RNF20: variants seen among roughly 807,000 people sequenced by gnomAD.
RNF20 encodes the protein ring finger protein 20.
RNF20 carries 84 observed loss-of-function variants against 126.2 expected under a neutral mutation model. The observed-to-expected ratio is 0.67, with a 90% CI of 0.56 to 0.80. RNF20 has a LOEUF of 0.80. Among genes scored for constraint, RNF20 ranks in the 30% least tolerant of loss-of-function variants. The probability of loss-of-function intolerance (pLI) is 0.00; values close to 1 mark genes in which losing one functional copy is unlikely to be tolerated. For synonymous variants in RNF20, 400 were observed against 414.3 expected, an observed-to-expected ratio of 0.97 and a Z score of 0.42; for missense variants, 869 against 1,188.2, an observed-to-expected ratio of 0.73 and a Z score of 3.95.
In RNF20 at chr9:101,542,571, T is replaced by C. The variant is rs376295882; in HGVS notation, c.628+1596T>C. On this transcript the variant is annotated intron_variant, in intron 5 of 19. Coordinates refer to ENST00000389120, the MANE Select transcript of RNF20 (RefSeq NM_019592.7). ...GGATGTGAACCTCCCTGTCACCTAA[T>C]ATAAAATAATGGTGCTTTGTGTGTG... Among the ~76,000 whole-genome samples the C allele has an allele frequency of 3.3e-5, 5 of 152,322 alleles. No individual in the cohort carries two copies. In the East Asian group the frequency reaches 9.7e-4, roughly 29 times the overall value.
rs1827459116 is a variant in RNF20, at chr9:101,552,263, G to A, written c.1530+1G>A. ...AGAAGCCCAGTCTGACCTGAACAAG[G>A]TAACCAGAGGGAATAGAATAAATAT... On this transcript the variant is annotated splice_donor_variant, in intron 12 of 19. Transcript: ENST00000389120. LOFTEE classifies it high-confidence loss of function. 6.2e-7 allele frequency: 1 copy of A among 1,614,186 alleles called. No homozygotes were observed. Among genetic ancestry groups the A allele is most frequent in the Non-Finnish European group, 8.5e-7 (1 of 1,180,010 alleles).
chr9:101,556,938 A>T (rs1827545903), intron 15 of RNF20, among the ~76,000 whole-genome samples: 1 of 152,210 alleles, frequency 6.6e-6, no homozygotes, highest in Admixed American at 6.5e-5. Context: ...ACTTAAAATG[A>T]GATAGATATA....
chr9:101,542,016 G>A (rs1206993431), intron 5 of RNF20, among the ~76,000 whole-genome samples: 1 of 152,280 alleles, frequency 6.6e-6, no homozygotes, highest in East Asian at 1.9e-4. Flanking sequence ...TGGTCTAGTT[G>A]TAATATCTTA....
intron 5 of RNF20, among the ~76,000 whole-genome samples, chr9:101,544,489 T>C (rs1827315214): frequency 6.6e-6 from 1 of 152,148 alleles, no homozygotes; most frequent in Non-Finnish European, 1.5e-5. Flanking sequence ...GTGGATCACC[T>C]GAGGTCAGGA....
Position 101,540,922 on chromosome 9 carries a change from A to C in RNF20, c.575A>C (p.Tyr192Ser). ...GCCGTGTCCCAGATTGTGACTGTTT[A>C]TGATAAATTGCAAGAAAAAGTGGAG... ...RRAVSQIVTV[Y>S]DKLQEKVELL... The change falls in exon 5 of 20, where the codon TAT (tyrosine) becomes TCT (serine). Residue 192 changes from tyrosine (Y) to serine (S), a missense_variant. By Grantham distance (144) the Tyr-to-Ser change is moderately radical. Transcript: ENST00000389120. 1 of 1,614,082 alleles carries C rather than the reference A, an allele frequency of 6.2e-7. No homozygotes were observed. Among genetic ancestry groups the C allele is most frequent in the South Asian group, 1.1e-5 (1 of 91,078 alleles).
At chr9:101,559,274 G>A (rs2118740561) in intron 16 of RNF20, among the ~76,000 whole-genome samples, 1 of 152,216 alleles carries the variant, frequency 6.6e-6, no homozygotes, top group Non-Finnish European at 1.5e-5. Flanking sequence ...TTTTATACCA[G>A]TACCATGCTG....
intron 16 of RNF20, 145 bp from the exon 17 acceptor site, chr9:101,560,656 G>A: frequency 1.7e-6 from 1 of 576,650 alleles, no homozygotes; most frequent in Non-Finnish European, 2.9e-6. Flanking sequence ...TAGTCTTGAT[G>A]TATTTTGAAG....
intron 2 of RNF20, among the ~76,000 whole-genome samples, chr9:101,537,798 A>G (rs13292046): frequency 0.48 from 73,156 of 151,996 alleles, 17,811 homozygotes; most frequent in East Asian, 0.66. Context: ...AACAAGGGGA[A>G]TAAAGGGAGG....
At chr9:101,547,093 A>G (rs770261139) in intron 7 of RNF20, 44 bp from the exon 8 acceptor site, 12 of 1,607,772 alleles carry the variant, frequency 7.5e-6, no homozygotes, top group Admixed American at 5.0e-5. Context: ...TATAGACTGA[A>G]ATCTTAAGAG....
chr9:101,551,696 A>G lies in RNF20; in HGVS notation c.1285A>G (p.Ser429Gly), dbSNP rs1324625858. Residue 429 changes from serine (S) to glycine (G), a missense_variant, in exon 11 of 20, where the codon AGT becomes GGT. Transcript: ENST00000389120. ...TATCTGTGTGTAGCGAGATGAGGTT[A>G]GTCTTCATAAGAAGCTGAGGACTGA... The part of the protein sequence containing the change: ...QVELIERDEV[S>G]LHKKLRTEVI... 6.9e-7 allele frequency: 1 copy of G among 1,454,164 alleles called. No homozygotes were observed. The allele number at this position is 1,454,164 out of a possible 1,614,324, so 90.1% of individuals were successfully genotyped here.
chr9:101,561,102 G>A lies in RNF20; in HGVS notation c.2521G>A (p.Ala841Thr). Reference sequence around the variant, plus strand: ...ACATCCTACATAGGCAATGGAGGCAGCCCAGCTTGCAGATGACCTCAAAGC... The same window carrying A: ...ACATCCTACATAGGCAATGGAGGCAACCCAGCTTGCAGATGACCTCAAAGC... ...EMNKRKAMEA[A>T]QLADDLKAQL... The change falls in exon 18 of 20, where the codon GCC becomes ACC. Residue 841 changes from alanine to threonine, a missense_variant. Around this residue, in one of 8 missense-constraint regions of RNF20, gnomAD observed 150 missense variants for 173.7 expected, o/e 0.86. Transcript: ENST00000389120. 1 of 1,613,738 alleles carries A rather than the reference G, an allele frequency of 6.2e-7. No homozygotes were observed. Among genetic ancestry groups the A allele is most frequent in the African/African-American group, 1.3e-5 (1 of 75,026 alleles).
chr9:101,542,852 C>G (rs1431128581), intron 5 of RNF20, among the ~76,000 whole-genome samples: 1 of 152,156 alleles, frequency 6.6e-6, no homozygotes, highest in African/African-American at 2.4e-5. Context: ...TTACAAATAG[C>G]CATGCCATTA....
intron 17 of RNF20, 48 bp downstream of exon 17, chr9:101,560,974 G>A: frequency 6.2e-6 from 10 of 1,601,556 alleles, no homozygotes; most frequent in Non-Finnish European, 7.7e-6. Context: ...GAACAAATAA[G>A]TATAACACTG....
intron 5 of RNF20, among the ~76,000 whole-genome samples, chr9:101,542,031 C>T (rs1827266419): frequency 6.6e-6 from 1 of 152,092 alleles, no homozygotes; most frequent in East Asian, 1.9e-4. Flanking sequence ...ATCTTAATTT[C>T]CCTGCTTATC....
intron 11 of RNF20, 67 bp downstream of exon 11, chr9:101,551,886 C>G: frequency 6.6e-7 from 1 of 1,509,134 alleles, no homozygotes. Context: ...ACAACACAGA[C>G]CCCAGGGTTT....
intron 11 of RNF20, 104 bp from the exon 12 acceptor site, chr9:101,552,037 A>G (rs1335646138): frequency 2.1e-6 from 3 of 1,446,532 alleles, no homozygotes; most frequent in Non-Finnish European, 2.8e-6. Context: ...TTATTTGGTA[A>G]TTCTCCCTAT....
At chr9:101,544,944 A>T in intron 6 of RNF20, 59 bp downstream of exon 6, 1 of 1,065,186 alleles carries the variant, frequency 9.4e-7, no homozygotes, top group African/African-American at 1.6e-5. Flanking sequence ...ATGTTGACTT[A>T]CAATTCTGAG....
At chr9:101,560,543 C>A in intron 16 of RNF20, 1 of 281,568 alleles carries the variant, frequency 3.6e-6, no homozygotes. Flanking sequence ...AGCATGCATT[C>A]TCTATTTTTG....
At chr9:101,548,745 A>G (rs1301261624) in intron 9 of RNF20, among the ~76,000 whole-genome samples, 2 of 152,240 alleles carry the variant, frequency 1.3e-5, no homozygotes, top group Non-Finnish European at 2.9e-5. Context: ...AAAGATATGT[A>G]GACTAAATCA....
Sources: allele counts gnomAD v4.1 joint callset (sites outside exome capture counted in the v4.1 genomes callset), GRCh38; gene constraint gnomAD v4.1.1; regional missense constraint gnomAD v4.1.1; transcripts MANE v1.5; gene names NCBI Gene and HGNC (gene_info 2026-07-23, HGNC 2026-07-21).